Variants in CIC observed in about 807,000 individuals in gnomAD.
CIC encodes the protein capicua transcriptional repressor, also known as protein capicua homolog.
In CIC, 18 loss-of-function variants were observed where a neutral mutation model predicts 115.7. That is an observed-to-expected ratio of 0.16 (90% confidence interval 0.11 to 0.23). The LOEUF is 0.23. CIC is among the 10% of genes least tolerant of loss of function. The pLI, the probability that CIC is intolerant of heterozygous loss-of-function variation, is 1.00. For synonymous variants in CIC, 1,076 were observed against 923.0 expected (o/e 1.17, Z -3.01); for missense variants, 2,000 against 2,159.3 (o/e 0.93, Z 1.46).
At chr19:42,281,480 G>A (rs2037248065) in intron 2 of CIC, among the ~76,000 whole-genome samples, 1 of 152,216 alleles carries the variant, frequency 6.6e-6, no homozygotes, top group East Asian at 1.9e-4. Flanking sequence ...GTCCTTCTGT[G>A]GAGTTGGTTA....
intron 2 of CIC, 87 bp from the exon 3 acceptor site, chr19:42,286,684 G>T (rs777939957): frequency 1.9e-6 from 3 of 1,553,088 alleles, no homozygotes; most frequent in South Asian, 1.1e-5. Context: ...AAGGGGTGGG[G>T]CTACCTCATC....
At position 42,272,084 on chromosome 19, in the gene CIC, C is replaced by T. The variant is rs887887300; in HGVS notation, c.301C>T (p.Arg101Cys). The change falls in exon 2 of 21, where the codon CGC becomes TGC. Residue 101 changes from arginine to cysteine, a missense_variant. Around this residue, in one of 8 missense-constraint regions of CIC, gnomAD observed 222 missense variants for 247.7 expected, o/e 0.90. Coordinates refer to ENST00000681038, the MANE Select transcript of CIC (RefSeq NM_001386298.1). ...EDPKGDGEAG[R>C]WEPSLSRKTA... ...CCCCAAAGGGGATGGGGAGGCAGGC[C>T]GCTGGGAGCCCTCACTCAGCCGCAA... The T allele has an allele frequency of 2.3e-5, 9 of 398,800 alleles. No individual in the cohort carries two copies. The highest frequency in any genetic ancestry group is 1.2e-4 in the African/African-American group (6 of 48,642). 24.7% of individuals were successfully genotyped at this position (398,800 alleles called of 1,614,324 possible).
rs931924904 is a variant in CIC at position 42,288,569 on chromosome 19, A to G, written c.3659-319A>G. ...TTCTATGAGAGTGGGGACACTAGTT[A>G]CTTCCTCTTTGAGATGAGGGAACCG... On this transcript the variant is annotated intron_variant, in intron 7 of 20. Transcript: ENST00000681038. Among the ~76,000 whole-genome samples the G allele has an allele frequency of 7.2e-5, 11 of 152,170 alleles. 1 individual carries two copies. The East Asian group carries it at 1.9e-3, about 27-fold the overall frequency.
Position 42,292,332 on chromosome 19 carries a change from C to A in CIC, c.5768C>A (p.Ala1923Glu). The A allele has an allele frequency of 6.2e-7, 1 of 1,613,122 alleles. No individual in the cohort carries two copies. The highest frequency in any genetic ancestry group is 8.5e-7 in the Non-Finnish European group (1 of 1,179,978). ...TATGTGCAGTCAGCGGGCGGGCACG[C>A]GCTGCCCCTGGGTACCAGCCCTGCG... Reference protein sequence around the residue: ...ITYVQSAGGHALPLGTSPASS... With the variant: ...ITYVQSAGGHELPLGTSPASS... Residue 1923 changes from alanine (A) to glutamate (E), a missense_variant, in exon 14 of 21, where the codon GCG becomes GAG. Ala to Glu is a moderately radical substitution (Grantham distance 107, BLOSUM62 -1). This residue lies in a region of CIC where 1,466 missense variants were observed against 1,390.4 expected (regional missense o/e 1.05). Transcript: ENST00000681038.
chr19:42,273,886 C>T lies in CIC; in HGVS notation c.2103C>T (p.Thr701=), dbSNP rs1189568680. Residue 701 remains threonine (T), a synonymous_variant, in exon 2 of 21, where the codon ACC becomes ACT. Coordinates refer to ENST00000681038, the MANE Select transcript of CIC (RefSeq NM_001386298.1). ...HSSGILPTFQ[T]NLTFTVPISP... is the part of the protein sequence containing the mutation. ...CTGGAATCCTACCCACCTTCCAGAC[C>T]AACCTGACCTTCACCGTGCCCATCA... is the stretch of plus-strand genomic sequence containing the variant. The T allele has an allele frequency of 7.5e-6, 3 of 398,560 alleles. No homozygotes were observed. The highest frequency in any genetic ancestry group is 2.1e-5 in the African/African-American group (1 of 48,608). The allele number at this position is 398,560 out of a possible 1,614,324, so 24.7% of individuals were successfully genotyped here.
chr19:42,288,119 G>T lies in CIC; in HGVS notation c.3658+144G>T, dbSNP rs374919344. ...GGCGACCCTTATCCGTAAAGGAACCGGCAGTTGATTCATGTGACGGAGCCA... is the reference window on the plus strand; with the variant it reads ...GGCGACCCTTATCCGTAAAGGAACCTGCAGTTGATTCATGTGACGGAGCCA... On this transcript the variant is annotated intron_variant, in intron 7 of 20. Transcript: ENST00000681038. 1.6e-5 allele frequency: 14 copies of T among 891,888 alleles called. No homozygotes were observed. The East Asian group carries it at 3.7e-4, about 24-fold the overall frequency. 55.2% of individuals were successfully genotyped at this position (891,888 alleles called of 1,614,324 possible).
Position 42,294,314 on chromosome 19 carries a change from T to C in CIC, c.7054+10T>C. On this transcript the variant is annotated intron_variant, in intron 19 of 20. Coordinates refer to ENST00000681038, the MANE Select transcript of CIC (RefSeq NM_001386298.1). Reference sequence around the variant, plus strand: ...ACCTTTGACCGTACAGGTGCCGTGGTGGGCAGAACTTTGGGGGCCTGGGGA... The same window carrying C: ...ACCTTTGACCGTACAGGTGCCGTGGCGGGCAGAACTTTGGGGGCCTGGGGA... 2 of 1,612,446 alleles carry C rather than the reference T, an allele frequency of 1.2e-6. No homozygotes were observed. Among genetic ancestry groups the C allele is most frequent in the East Asian group, 2.2e-5 (1 of 44,872 alleles).
At chr19:42,281,216 G>A (rs2037231398) in intron 2 of CIC, among the ~76,000 whole-genome samples, 1 of 152,170 alleles carries the variant, frequency 6.6e-6, no homozygotes, top group South Asian at 2.1e-4. Flanking sequence ...GGGGACCCGG[G>A]CCTGGAGAGC....
chr19:42,286,755 TG>T lies in CIC; in HGVS notation c.2795-14del. ...AGGCTCTCCTGCTGCACAGCTCACC[TG>T]GCTCCTTTCCACAGTGTGGACGAAT... On this transcript the variant is annotated splice_polypyrimidine_tract_variant and intron_variant, in intron 2 of 20. Coordinates refer to ENST00000681038, the MANE Select transcript of CIC (RefSeq NM_001386298.1). The T allele has an allele frequency of 6.2e-7, 1 of 1,613,910 alleles. No homozygotes were observed. The highest frequency in any genetic ancestry group is 1.1e-5 in the South Asian group (1 of 91,084).
rs755163855 is a variant in CIC at position 42,290,514 on chromosome 19, G to A, written c.4473G>A (p.Ala1491=). 23 of 1,613,266 alleles carry A rather than the reference G, an allele frequency of 1.4e-5. No homozygotes were observed. In the Admixed American group the frequency reaches 2.3e-4, roughly 16 times the overall value. The change falls in exon 11 of 21, where the codon GCG becomes GCA. Residue 1491 remains alanine, a synonymous_variant. Coordinates refer to ENST00000681038, the MANE Select transcript of CIC (RefSeq NM_001386298.1). The part of the protein sequence containing the change: ...RPPPPGAGGP[A]TPSKATRFLP... Reference sequence around the variant, plus strand: ...CACCCCCTGGGGCTGGGGGTCCAGCGACACCTTCCAAGGCAACCCGGTTCC... The same window carrying A: ...CACCCCCTGGGGCTGGGGGTCCAGCAACACCTTCCAAGGCAACCCGGTTCC...
At chr19:42,285,486 T>G (rs2037568301) in intron 2 of CIC, among the ~76,000 whole-genome samples, 1 of 152,184 alleles carries the variant, frequency 6.6e-6, no homozygotes, top group Admixed American at 6.5e-5. Context: ...TCCCAGTCCC[T>G]TGTTTCCTGA....
At position 42,280,577 on chromosome 19, in the gene CIC, C is replaced by T. The variant is rs1260195236; in HGVS notation, c.2794+6000C>T. Among the ~76,000 whole-genome samples the T allele has an allele frequency of 1.3e-5, 2 of 152,200 alleles. No individual in the cohort carries two copies. The highest frequency in any genetic ancestry group is 2.9e-5 in the Non-Finnish European group (2 of 68,006). On this transcript the variant is annotated intron_variant, in intron 2 of 20. Transcript: ENST00000681038. The surrounding 1 kb of genome is among the most constrained non-coding windows in gnomAD (Gnocchi z 4.9). ...ACCCCTGCGCTGCCGCGTCCTCGGG[C>T]TGGGTGGGGTACCCTCCCTCCCACC...
At position 42,293,605 on chromosome 19, in the gene CIC, C is replaced by T. The variant is rs776048328; in HGVS notation, c.6536C>T (p.Pro2179Leu). 15 of 1,613,856 alleles carry T rather than the reference C, an allele frequency of 9.3e-6. No homozygotes were observed. The highest frequency in any genetic ancestry group is 1.3e-5 in the Non-Finnish European group (15 of 1,180,036). ...KGPETMASKF[P>L]SSSSDWRVPG... is the part of the protein sequence containing the mutation. ...TCTCCACCCCAGGCCAGCAAATTCC[C>T]CAGCTCATCTTCAGACTGGCGCGTC... Residue 2179 changes from proline (P) to leucine (L), a missense_variant, in exon 17 of 21, where the codon CCC (proline) becomes CTC (leucine). Pro to Leu is a moderately conservative substitution (Grantham distance 98, BLOSUM62 -3). Around this residue, in one of 8 missense-constraint regions of CIC, gnomAD observed 1,466 missense variants for 1,390.4 expected, o/e 1.05. Transcript: ENST00000681038.
At chr19:42,291,847 TTC>T (rs2038140882) in intron 12 of CIC, 102 bp downstream of exon 12, 3 of 1,466,294 alleles carry the variant, frequency 2.0e-6, no homozygotes, top group South Asian at 2.3e-5. Flanking sequence ...ATGTATCTGG[TTC>T]TCTGTCTTGC....
At chr19:42,283,518 A>G (rs546622597) in intron 2 of CIC, among the ~76,000 whole-genome samples, 17 of 152,020 alleles carry the variant, frequency 1.1e-4, no homozygotes, top group African/African-American at 4.1e-4. Flanking sequence ...GGTGTGTAGG[A>G]GATAATGGGT....
At position 42,289,172 on chromosome 19, in the gene CIC, A is replaced by T. The variant is rs371363377; in HGVS notation, c.3862-9A>T. The stretch of plus-strand genomic sequence containing the variant: ...CCCCGCTGAACCCTCTCTGCCACCT[A>T]TCCTGCAGATGGTGTCTGGCCCTGC... On this transcript the variant is annotated splice_polypyrimidine_tract_variant and intron_variant, in intron 8 of 20. Coordinates refer to ENST00000681038, the MANE Select transcript of CIC (RefSeq NM_001386298.1). The T allele has an allele frequency of 7.7e-5, 124 of 1,613,144 alleles. No individual in the cohort carries two copies. Among genetic ancestry groups the T allele is most frequent in the Admixed American group, 1.7e-4 (10 of 60,002 alleles).
chr19:42,281,589 A>C (rs531652693), intron 2 of CIC, among the ~76,000 whole-genome samples: 2 of 152,200 alleles, frequency 1.3e-5, no homozygotes, highest in Non-Finnish European at 2.9e-5. Context: ...AGAGAGTGGG[A>C]GCTGTCTAGG....
At chr19:42,271,152 G>C (rs933863509) in intron 1 of CIC, among the ~76,000 whole-genome samples, 2 of 152,236 alleles carry the variant, frequency 1.3e-5, no homozygotes, top group African/African-American at 2.4e-5. Context: ...TTGTGCATGT[G>C]TGTGTGTGTC....
intron 2 of CIC, among the ~76,000 whole-genome samples, chr19:42,284,936 AGGT>A (rs1419404271): frequency 6.6e-6 from 1 of 152,116 alleles, no homozygotes; most frequent in African/African-American, 2.4e-5. Context: ...TAGTGATGGC[AGGT>A]GGGAGTGTAG....
Sources: allele counts gnomAD v4.1 joint callset (sites outside exome capture counted in the v4.1 genomes callset), GRCh38; gene constraint gnomAD v4.1.1; regional missense constraint gnomAD v4.1.1; non-coding constraint Gnocchi (gnomAD v3.1); transcripts MANE v1.5; gene names NCBI Gene and HGNC (gene_info 2026-07-23, HGNC 2026-07-21).